The following NIBAN2 variants were observed in gnomAD, a reference collection of about 807,000 sequenced individuals.
The protein encoded by NIBAN2 is niban apoptosis regulator 2.
Under a neutral mutation model 81.8 loss-of-function variants are expected in NIBAN2, and 36 were observed. The observed-to-expected ratio is 0.44, with a 90% CI of 0.34 to 0.58. The LOEUF is 0.58. Among genes scored for constraint, NIBAN2 ranks in the 20% least tolerant of loss-of-function variants. NIBAN2 has a pLI of 0.02. For synonymous variants in NIBAN2, 445 were observed against 441.6 expected (o/e 1.01, Z -0.10); for missense variants, 897 against 1,014.1 (o/e 0.88, Z 1.57).
chr9:127,567,689 T>C (rs1040479669), intron 1 of NIBAN2, among the ~76,000 whole-genome samples: 9 of 152,116 alleles, frequency 5.9e-5, no homozygotes, highest in African/African-American at 2.2e-4. Context: ...CAAAAATAAG[T>C]GCAGGCGGAC....
intron 8 of NIBAN2, among the ~76,000 whole-genome samples, chr9:127,511,749 T>C (rs1836739798): frequency 6.6e-6 from 1 of 152,130 alleles, no homozygotes; most frequent in African/African-American, 2.4e-5. Context: ...CAATTAAAAA[T>C]GGGCAAAAGA....
At chr9:127,567,684 A>G (rs751128986) in intron 1 of NIBAN2, among the ~76,000 whole-genome samples, 2 of 152,204 alleles carry the variant, frequency 1.3e-5, no homozygotes, top group Non-Finnish European at 2.9e-5. Flanking sequence ...GGACACAAAA[A>G]TAAGTGCAGG....
intron 1 of NIBAN2, among the ~76,000 whole-genome samples, chr9:127,541,085 C>T (rs756963069): frequency 1.3e-5 from 2 of 152,154 alleles, no homozygotes; most frequent in Non-Finnish European, 2.9e-5. Flanking sequence ...GAGGCAGAGT[C>T]GGGGCAGGGA....
At chr9:127,574,832 GT>G (rs777434176) in intron 1 of NIBAN2, among the ~76,000 whole-genome samples, 1 of 152,160 alleles carries the variant, frequency 6.6e-6, no homozygotes, top group Non-Finnish European at 1.5e-5. Flanking sequence ...TAACTGTTGG[GT>G]GGTGGAAAGG....
chr9:127,570,111 A>AC (rs1837929893), upstream of NIBAN2, among the ~76,000 whole-genome samples: 1 of 151,912 alleles, frequency 6.6e-6, no homozygotes, highest in East Asian at 1.9e-4. Flanking sequence ...CTGCTTGTTG[A>AC]CCCCTGGTAA....
In NIBAN2 at chr9:127,560,709, G is replaced by A. The variant is rs548564402; in HGVS notation, c.55+8111C>T. Reference sequence around the variant, plus strand: ...TGTCCCTGGTGCCCAGCACAGCGCCGGGCACACAGAAGGTGTTCAATAACT... The same window carrying A: ...TGTCCCTGGTGCCCAGCACAGCGCCAGGCACACAGAAGGTGTTCAATAACT... On this transcript the variant is annotated intron_variant, in intron 1 of 13. Coordinates refer to ENST00000373312, the MANE Select transcript of NIBAN2 (RefSeq NM_022833.4). Among the ~76,000 whole-genome samples the A allele has an allele frequency of 1.5e-4, 23 of 152,276 alleles. No individual in the cohort carries two copies. The South Asian group carries it at 4.1e-3, about 27-fold the overall frequency.
intron 1 of NIBAN2, among the ~76,000 whole-genome samples, chr9:127,562,663 G>A (rs957598462): frequency 2.0e-5 from 3 of 152,188 alleles, no homozygotes; most frequent in African/African-American, 7.2e-5. Context: ...CCAGGTTGGC[G>A]GAAGCAGAGC....
chr9:127,548,989 T>A (rs987632976), intron 1 of NIBAN2, among the ~76,000 whole-genome samples: 2 of 152,060 alleles, frequency 1.3e-5, no homozygotes, highest in Non-Finnish European at 2.9e-5. Context: ...TGGAGGTGTG[T>A]AAGCAGAGGC....
At chr9:127,510,090 G>C (rs929267046) in intron 9 of NIBAN2, 56 bp downstream of exon 9, 1 of 1,522,464 alleles carries the variant, frequency 6.6e-7, no homozygotes, top group Non-Finnish European at 8.9e-7. Context: ...GGGCCCTCTG[G>C]GACAGACCAG....
chr9:127,531,668 C>T lies in NIBAN2; in HGVS notation c.166G>A (p.Ala56Thr), dbSNP rs1300709103. The change falls in exon 2 of 14, where the codon GCC becomes ACC. Residue 56 changes from alanine (A) to threonine (T), a missense_variant. By Grantham distance (58) the Ala-to-Thr change is moderately conservative (BLOSUM62 0). This residue lies in a region of NIBAN2 where 209 missense variants were observed against 208.4 expected (regional missense o/e 1.00). Transcript: ENST00000373312. ...HEIEGTGLPQ[A>T]QLLWRKVPLD... ...CTCACCTTGCGCCAGAGCAGCTGGG[C>T]CTGCGGCAGCCCCGTGCCCTCAATC... 1.2e-6 allele frequency: 2 copies of T among 1,613,610 alleles called. No homozygotes were observed. The highest frequency in any genetic ancestry group is 1.7e-6 in the Non-Finnish European group (2 of 1,180,022).
chr9:127,549,445 A>G (rs1003248919), intron 1 of NIBAN2, among the ~76,000 whole-genome samples: 3 of 152,038 alleles, frequency 2.0e-5, no homozygotes, highest in South Asian at 2.1e-4. Context: ...GCAGGCACAC[A>G]CACGCACATT....
Position 127,566,264 on chromosome 9 carries a change from G to A in NIBAN2, c.55+2556C>T, listed in dbSNP as rs1233361006. ...AGAGCTGAAAGGGACTTCAGCCATCGAGTGGCCCACCCACTTCGGTTCACA... is the reference window on the plus strand; with the variant it reads ...AGAGCTGAAAGGGACTTCAGCCATCAAGTGGCCCACCCACTTCGGTTCACA... On this transcript the variant is annotated intron_variant, in intron 1 of 13. Coordinates refer to ENST00000373312, the MANE Select transcript of NIBAN2 (RefSeq NM_022833.4). Among the ~76,000 whole-genome samples, 5 of 152,244 alleles carry A rather than the reference G, an allele frequency of 3.3e-5. No individual in the cohort carries two copies. In the East Asian group the frequency reaches 7.7e-4, roughly 23 times the overall value.
At chr9:127,539,478 G>A (rs1188228388) in intron 1 of NIBAN2, among the ~76,000 whole-genome samples, 1 of 152,198 alleles carries the variant, frequency 6.6e-6, no homozygotes, top group African/African-American at 2.4e-5. Flanking sequence ...TCAGAGCCGG[G>A]ACTGAGGTCT....
intron 1 of NIBAN2, among the ~76,000 whole-genome samples, chr9:127,541,390 T>C (rs1837376921): frequency 6.6e-6 from 1 of 152,196 alleles, no homozygotes; most frequent in Non-Finnish European, 1.5e-5. Context: ...CGCACTGTCC[T>C]CACTTCCCAG....
chr9:127,544,777 T>G (rs990599321), intron 1 of NIBAN2, among the ~76,000 whole-genome samples: 2 of 152,192 alleles, frequency 1.3e-5, no homozygotes, highest in African/African-American at 4.8e-5. Flanking sequence ...GTGCTAGGAT[T>G]ACAGGCATGA....
upstream of NIBAN2, among the ~76,000 whole-genome samples, chr9:127,569,816 C>T (rs988784651): frequency 2.0e-5 from 3 of 152,262 alleles, no homozygotes; most frequent in Non-Finnish European, 4.4e-5. Context: ...GGGCATTTCA[C>T]TCGGGAGGCG....
In NIBAN2 at chr9:127,527,285, A is replaced by G; in HGVS notation, c.224T>C (p.Leu75Pro). The change falls in exon 3 of 14, where the codon CTC (leucine) becomes CCC (proline). Residue 75 changes from leucine to proline, a missense_variant. Physicochemically the swap from Leu to Pro is moderately conservative, Grantham distance 98. Transcript: ENST00000373312. ...CTTGCTGTCCTCCTGGTGCTGGAAGAGGTTCCCCGAGAAGACGATGCGCTC... is the reference window on the plus strand; with the variant it reads ...CTTGCTGTCCTCCTGGTGCTGGAAGGGGTTCCCCGAGAAGACGATGCGCTC... ...LDERIVFSGNLFQHQEDSKKW... is the reference protein window; with the variant it reads ...LDERIVFSGNPFQHQEDSKKW... The G allele has an allele frequency of 6.2e-7, 1 of 1,609,954 alleles. No individual in the cohort carries two copies. The highest frequency in any genetic ancestry group is 8.5e-7 in the Non-Finnish European group (1 of 1,178,754).
chr9:127,508,951 G>C lies in NIBAN2; in HGVS notation c.1317+25C>G, dbSNP rs1417382085. 2 of 1,612,908 alleles carry C rather than the reference G, an allele frequency of 1.2e-6. No individual in the cohort carries two copies. The highest frequency in any genetic ancestry group is 3.3e-5 in the Admixed American group (2 of 59,998). ...TGGAAGGCAGTGGACAGGGTGTGGGGTGGGGGTCGTAGCCTCGGGTCTACC... is the reference window on the plus strand; with the variant it reads ...TGGAAGGCAGTGGACAGGGTGTGGGCTGGGGGTCGTAGCCTCGGGTCTACC... On this transcript the variant is annotated intron_variant, in intron 10 of 13. Transcript: ENST00000373312. This position sits in a 1 kb window ranked among gnomAD's most constrained non-coding sequence, Gnocchi z 6.4.
intron 1 of NIBAN2, among the ~76,000 whole-genome samples, chr9:127,546,171 G>A (rs1478616061): frequency 6.6e-6 from 1 of 152,202 alleles, no homozygotes; most frequent in African/African-American, 2.4e-5. Context: ...CTCACATGGA[G>A]TCACCCTTTC....
Sources: gnomAD v4.1 joint callset for allele counts (sites outside exome capture counted in the v4.1 genomes callset) on GRCh38, gnomAD v4.1.1 for gene constraint, gnomAD v4.1.1 regional missense constraint, Gnocchi (gnomAD v3.1) non-coding constraint, MANE v1.5 for transcripts, NCBI Gene and HGNC (gene_info 2026-07-23, HGNC 2026-07-21) for gene names.